Variants in RALA observed in about 807,000 individuals in gnomAD.
RALA encodes the protein RAS like proto-oncogene A.
Under a neutral mutation model 24.0 loss-of-function variants are expected in RALA, and 5 were observed. That is an observed-to-expected ratio of 0.21 (90% CI 0.11 to 0.44). The LOEUF (loss-of-function observed/expected upper bound fraction) is 0.44. RALA is among the 20% of genes least tolerant of loss of function. The probability of loss-of-function intolerance (pLI) is 0.99; values close to 1 mark genes in which losing one functional copy is unlikely to be tolerated. For synonymous variants in RALA, 77 were observed against 83.8 expected (o/e 0.92, Z 0.44); for missense variants, 95 against 241.2 (o/e 0.39, Z 4.01).
rs889493439 is a variant in RALA at position 39,678,464 on chromosome 7, G to A, written c.-37-8167G>A. Among the ~76,000 whole-genome samples, 5 of 152,208 alleles carry A rather than the reference G, an allele frequency of 3.3e-5. No individual in the cohort carries two copies. The South Asian group carries it at 6.2e-4, about 19-fold the overall frequency. ...AAAGAAGAAAGGAAATAAGTAGCTC[G>A]TATGAGCATGGTGTAGTTGTCTAGT... On this transcript the variant is annotated intron_variant, in intron 1 of 4. Coordinates refer to ENST00000005257, the MANE Select transcript of RALA (RefSeq NM_005402.4).
At chr7:39,657,332 C>CAA (rs2115985182) in intron 1 of RALA, among the ~76,000 whole-genome samples, 2 of 152,236 alleles carry the variant, frequency 1.3e-5, no homozygotes, top group South Asian at 4.2e-4. Flanking sequence ...TTATCGAACC[C>CAA]TTATTTCCTC....
At chr7:39,688,287 A>G (rs1244741241) in intron 2 of RALA, among the ~76,000 whole-genome samples, 1 of 152,022 alleles carries the variant, frequency 6.6e-6, no homozygotes, top group Non-Finnish European at 1.5e-5. Flanking sequence ...CTGTTTTCCT[A>G]GTTACTTAGG....
chr7:39,643,533 C>T (rs956598318), intron 1 of RALA, among the ~76,000 whole-genome samples: 5 of 152,010 alleles, frequency 3.3e-5, no homozygotes, highest in Admixed American at 6.6e-5. Context: ...CTAGCCTGGC[C>T]GACATGGCAA....
intron 1 of RALA, among the ~76,000 whole-genome samples, chr7:39,675,315 G>A (rs544950840): frequency 2.2e-3 from 330 of 152,288 alleles, no homozygotes; most frequent in Middle Eastern, 0.014. Context: ...ATGAGGTCAG[G>A]TGTAGAATTT....
chr7:39,648,145 T>G (rs960231087), intron 1 of RALA, among the ~76,000 whole-genome samples: 9 of 152,200 alleles, frequency 5.9e-5, no homozygotes, highest in Non-Finnish European at 1.3e-4. Flanking sequence ...TTTTGGAATT[T>G]TGTAGGTTTT....
intron 2 of RALA, among the ~76,000 whole-genome samples, chr7:39,689,690 T>G (rs1052562549): frequency 2.0e-5 from 3 of 152,174 alleles, no homozygotes; most frequent in African/African-American, 7.2e-5. Context: ...ACCAAGGCAG[T>G]AGGATTATTT....
intron 4 of RALA, chr7:39,697,428 A>G (rs1792941055): frequency 2.2e-6 from 1 of 456,726 alleles, no homozygotes; most frequent in Non-Finnish European, 4.4e-6. Context: ...CCTGAAGACC[A>G]GATGTGGAAC....
chr7:39,674,455 A>G (rs1469808488), intron 1 of RALA, among the ~76,000 whole-genome samples: 1 of 152,064 alleles, frequency 6.6e-6, no homozygotes, highest in Non-Finnish European at 1.5e-5. Flanking sequence ...TATTCTTTTA[A>G]TGTGCTAGAT....
chr7:39,661,382 C>T (rs1264267574), intron 1 of RALA, among the ~76,000 whole-genome samples: 1 of 152,232 alleles, frequency 6.6e-6, no homozygotes, highest in East Asian at 1.9e-4. Flanking sequence ...AGTTCAGTCA[C>T]ATCTAGACAA....
At chr7:39,690,643 C>T (rs1273279468) in intron 3 of RALA, 53 bp downstream of exon 3, 1 of 1,392,104 alleles carries the variant, frequency 7.2e-7, no homozygotes, top group Non-Finnish European at 9.8e-7. Context: ...ACAATTTCTT[C>T]CCCAGAAACA....
In RALA at chr7:39,649,994, G is replaced by A. The variant is rs139253643; in HGVS notation, c.-38+26169G>A. 1.6e-3 allele frequency among the ~76,000 whole-genome samples: 248 copies of A among 152,312 alleles called. 1 individual carries two copies. Among genetic ancestry groups the A allele is most frequent in the Middle Eastern group, 3.4e-3 (1 of 294 alleles). ...ACAAAAGCTTTATATGAGTAGGCTT[G>A]GGAGAGAATAAAAGGAACAGAATTG... On this transcript the variant is annotated intron_variant, in intron 1 of 4. Coordinates refer to ENST00000005257, the MANE Select transcript of RALA (RefSeq NM_005402.4).
chr7:39,650,561 A>C (rs1434147547), intron 1 of RALA, among the ~76,000 whole-genome samples: 1 of 152,116 alleles, frequency 6.6e-6, no homozygotes, highest in African/African-American at 2.4e-5. Flanking sequence ...CAAACCACAT[A>C]GAAAATCAGA....
chr7:39,642,825 A>G (rs1482204875), intron 1 of RALA, among the ~76,000 whole-genome samples: 2 of 152,182 alleles, frequency 1.3e-5, no homozygotes, highest in African/African-American at 4.8e-5. Context: ...TTTTACATAT[A>G]CCTTTAATCA....
At chr7:39,661,293 T>C (rs1237519131) in intron 1 of RALA, among the ~76,000 whole-genome samples, 1 of 152,176 alleles carries the variant, frequency 6.6e-6, no homozygotes, top group Middle Eastern at 3.2e-3. Flanking sequence ...TCTCATGTCC[T>C]CACATTTCAA....
intron 4 of RALA, among the ~76,000 whole-genome samples, chr7:39,705,029 T>G (rs1793093041): frequency 6.6e-6 from 1 of 152,206 alleles, no homozygotes. Flanking sequence ...AGAAATTCTA[T>G]AACAAGATAC....
At chr7:39,683,892 G>C (rs1001887099) in intron 1 of RALA, among the ~76,000 whole-genome samples, 3 of 151,426 alleles carry the variant, frequency 2.0e-5, no homozygotes, top group Admixed American at 6.6e-5. Flanking sequence ...AGTATTAATT[G>C]ATATGGTAAT....
intron 1 of RALA, among the ~76,000 whole-genome samples, chr7:39,633,153 AG>A (rs1188185550): frequency 2.6e-5 from 4 of 152,212 alleles, no homozygotes; most frequent in Non-Finnish European, 5.9e-5. Context: ...CAGATGAGCA[AG>A]GCTTGTTTTG....
Position 39,631,005 on chromosome 7 carries a change from G to GT in RALA, c.-38+7185dup, listed in dbSNP as rs1451395283. Reference sequence around the variant, plus strand: ...TGAAACAATTCATTGCTGGTTTTTTGTTTTTGTTTTTTTTTTTTTTGAGAC... The same window carrying GT: ...TGAAACAATTCATTGCTGGTTTTTTGTTTTTTGTTTTTTTTTTTTTTGAGAC... On this transcript the variant is annotated intron_variant, in intron 1 of 4. Coordinates refer to ENST00000005257, the MANE Select transcript of RALA (RefSeq NM_005402.4). Among the ~76,000 whole-genome samples, 121 of 115,962 alleles carry GT rather than the reference G, an allele frequency of 1.0e-3. 1 individual carries two copies. Among genetic ancestry groups the GT allele is most frequent in the African/African-American group, 4.1e-3 (111 of 27,246 alleles). 76.1% of individuals were successfully genotyped at this position (115,962 alleles called of 152,430 possible). A position where few individuals can be genotyped will look rare whatever the true frequency, so the allele number is the denominator to read the frequency against.
chr7:39,630,143 A>G (rs1196078431), intron 1 of RALA, among the ~76,000 whole-genome samples: 1 of 151,380 alleles, frequency 6.6e-6, no homozygotes, highest in African/African-American at 2.4e-5. Context: ...TCCAAGACTC[A>G]AGTGATCTTC....
Sources: allele counts gnomAD v4.1 joint callset (sites outside exome capture counted in the v4.1 genomes callset), GRCh38; gene constraint gnomAD v4.1.1; transcripts MANE v1.5; gene names NCBI Gene and HGNC (gene_info 2026-07-23, HGNC 2026-07-21).